Variants in ST7 observed in about 807,000 individuals in gnomAD.
The protein encoded by ST7 is suppression of tumorigenicity 7.
In ST7, 28 loss-of-function variants were observed where a neutral mutation model predicts 78.7. That is an observed-to-expected ratio of 0.36 (90% CI 0.26 to 0.49). The LOEUF (loss-of-function observed/expected upper bound fraction) is 0.49. Among genes scored for constraint, ST7 ranks in the 20% least tolerant of loss-of-function variants. The probability of loss-of-function intolerance (pLI) is 0.99; values close to 1 mark genes in which losing one functional copy is unlikely to be tolerated. For synonymous variants in ST7, 247 were observed against 249.6 expected (o/e 0.99, Z 0.10); for missense variants, 418 against 696.0 (o/e 0.60, Z 4.49).
chr7:117,227,242 G>A lies in ST7; in HGVS notation c.1639-2520G>A, dbSNP rs116073954. 2.5e-3 allele frequency among the ~76,000 whole-genome samples: 375 copies of A among 152,222 alleles called. 2 individuals are homozygous for A. The highest frequency in any genetic ancestry group is 8.0e-3 in the African/African-American group (334 of 41,516). On this transcript the variant is annotated intron_variant, in intron 15 of 15. Transcript: ENST00000323984. ...TGAGCGATGCCTGTTATCTAGCTGC[G>A]CTGGCTCATGTTCAGCAGTTGCAAC...
chr7:117,166,745 C>T (rs372105350), intron 9 of ST7, among the ~76,000 whole-genome samples: 44 of 151,890 alleles, frequency 2.9e-4, no homozygotes, highest in Non-Finnish European at 1.6e-4. Flanking sequence ...AAAAATTAGC[C>T]GGGCATGGTG....
At chr7:117,141,020 G>A (rs376909191) in intron 9 of ST7, among the ~76,000 whole-genome samples, 9 of 152,140 alleles carry the variant, frequency 5.9e-5, no homozygotes, top group East Asian at 1.9e-4. Flanking sequence ...GCTCCTCTCC[G>A]GTCATGGGTC....
At chr7:117,117,281 G>A (rs1281976780) in intron 2 of ST7, among the ~76,000 whole-genome samples, 5 of 152,168 alleles carry the variant, frequency 3.3e-5, no homozygotes, top group African/African-American at 1.2e-4. Context: ...TGTGTGTGAT[G>A]GGTACAGGCA....
chr7:117,095,896 C>A (rs948711736), intron 1 of ST7, among the ~76,000 whole-genome samples: 1 of 151,398 alleles, frequency 6.6e-6, no homozygotes, highest in Non-Finnish European at 1.5e-5. Flanking sequence ...GGTGAACCCC[C>A]GTCTCTACTA....
intron 5 of ST7, among the ~76,000 whole-genome samples, chr7:117,130,898 C>T (rs1467037898): frequency 6.6e-6 from 1 of 151,648 alleles, no homozygotes; most frequent in Non-Finnish European, 1.5e-5. Context: ...TAATGAAGTT[C>T]TTGGTTGAGT....
At chr7:117,069,472 C>T (rs1477776140) in intron 1 of ST7, among the ~76,000 whole-genome samples, 7 of 152,158 alleles carry the variant, frequency 4.6e-5, no homozygotes, top group Admixed American at 1.3e-4. Context: ...TGCCATTTTC[C>T]AATGGACATT....
intron 1 of ST7, among the ~76,000 whole-genome samples, chr7:117,052,029 A>G (rs1017710477): frequency 6.6e-6 from 1 of 152,224 alleles, no homozygotes; most frequent in African/African-American, 2.4e-5. Context: ...CTCTTTGAAC[A>G]CAGTGCAGCC....
chr7:117,089,156 A>C (rs1343900804), intron 1 of ST7, among the ~76,000 whole-genome samples: 1 of 152,234 alleles, frequency 6.6e-6, no homozygotes, highest in Admixed American at 6.5e-5. Context: ...TACTAGCTCT[A>C]TATTTCCAGC....
intron 1 of ST7, among the ~76,000 whole-genome samples, chr7:117,007,862 A>G (rs1049884600): frequency 2.6e-5 from 4 of 152,182 alleles, no homozygotes; most frequent in African/African-American, 9.7e-5. Context: ...TTCTGTCTCT[A>G]TGAATTTGAA....
intron 1 of ST7, among the ~76,000 whole-genome samples, chr7:117,008,304 T>C (rs1174751184): frequency 1.3e-5 from 2 of 152,234 alleles, no homozygotes. Flanking sequence ...TAATTAACTG[T>C]GCAGTTAGGA....
intron 13 of ST7, among the ~76,000 whole-genome samples, chr7:117,211,925 G>A (rs1182536461): frequency 2.6e-5 from 4 of 152,096 alleles, no homozygotes; most frequent in South Asian, 4.2e-4. Flanking sequence ...AAGAGGGGGT[G>A]GGTTTTCAGG....
Position 117,152,150 on chromosome 7 carries a change from A to ATT in ST7, c.963+13618_963+13619insTT, listed in dbSNP as rs2117159853. Among the ~76,000 whole-genome samples, 4 of 135,612 alleles carry ATT rather than the reference A, an allele frequency of 2.9e-5. No individual in the cohort carries two copies. In the Admixed American group the frequency reaches 3.1e-4, roughly 11 times the overall value. The allele number at this position is 135,612 out of a possible 152,430, so 89.0% of individuals were successfully genotyped here. ...AAATAATAATAATTTATATATATAT[A>ATT]AAATATATGTATTATATATATAAAA... is the stretch of plus-strand genomic sequence containing the variant. On this transcript the variant is annotated intron_variant, in intron 9 of 15. Transcript: ENST00000323984.
intron 1 of ST7, chr7:117,072,274 T>C (rs1160797433): frequency 6.6e-6 from 1 of 152,220 alleles, no homozygotes; most frequent in African/African-American, 2.4e-5. Flanking sequence ...TCTGAAGTCA[T>C]CTTCAGCCCT....
At position 117,174,314 on chromosome 7, in the gene ST7, C is replaced by T. The variant is rs73714388; in HGVS notation, c.1078+3338C>T. ...CACACAGTGACTAAAATAGCAGCAA[C>T]AGCTAGCATTTATTGAGTTCTTGTA... On this transcript the variant is annotated intron_variant, in intron 10 of 15. Transcript: ENST00000323984. Among the ~76,000 whole-genome samples the T allele has an allele frequency of 2.5e-3, 374 of 152,284 alleles. 1 individual carries two copies. Among genetic ancestry groups the T allele is most frequent in the African/African-American group, 8.0e-3 (331 of 41,560 alleles).
chr7:117,221,396 C>A (rs1192238831), intron 14 of ST7, among the ~76,000 whole-genome samples: 2 of 152,058 alleles, frequency 1.3e-5, no homozygotes, highest in African/African-American at 4.8e-5. Context: ...ATGAGGGTGG[C>A]ACCCTCCACT....
intron 12 of ST7, among the ~76,000 whole-genome samples, chr7:117,192,952 C>T (rs1441110284): frequency 1.3e-5 from 2 of 152,100 alleles, no homozygotes; most frequent in Non-Finnish European, 2.9e-5. Flanking sequence ...GGGTAAACTA[C>T]CTGGGTAAAC....
intron 1 of ST7, among the ~76,000 whole-genome samples, chr7:116,963,877 C>T (rs914379700): frequency 4.6e-5 from 7 of 151,996 alleles, no homozygotes; most frequent in African/African-American, 1.2e-4. Flanking sequence ...GTGATCCGCC[C>T]GCCTCGGCCT....
intron 1 of ST7, among the ~76,000 whole-genome samples, chr7:116,962,430 C>T (rs1478045640): frequency 2.0e-5 from 3 of 152,192 alleles, no homozygotes; most frequent in African/African-American, 7.2e-5. Flanking sequence ...CCTGTTTCTT[C>T]ACAGCCTCAC....
chr7:117,153,407 G>A (rs990540814), intron 9 of ST7, among the ~76,000 whole-genome samples: 1 of 152,158 alleles, frequency 6.6e-6, no homozygotes, highest in Non-Finnish European at 1.5e-5. Flanking sequence ...GATTTAGATA[G>A]TGAGTGAAGA....
Sources: allele counts gnomAD v4.1 joint callset (sites outside exome capture counted in the v4.1 genomes callset), GRCh38; gene constraint gnomAD v4.1.1; transcripts MANE v1.5; gene names NCBI Gene and HGNC (gene_info 2026-07-23, HGNC 2026-07-21).